Variants in ST3GAL2 observed in about 807,000 individuals in gnomAD.
ST3GAL2 encodes CMP-N-acetylneuraminate-beta-galactosamide-alpha-2,3-sialyltransferase 2.
In ST3GAL2, 16 loss-of-function variants were observed where a neutral mutation model predicts 37.5. The observed-to-expected ratio is 0.43, with a 90% CI of 0.29 to 0.65. ST3GAL2 has a LOEUF of 0.65. Among genes scored for constraint, ST3GAL2 ranks in the 30% least tolerant of loss-of-function variants. The pLI is 0.17. For synonymous variants in ST3GAL2, 238 were observed against 202.9 expected, an observed-to-expected ratio of 1.17 and a Z score of -1.47; for missense variants, 383 against 487.8, an observed-to-expected ratio of 0.79 and a Z score of 2.02.
chr16:70,399,698 A>G (rs2151664500), intron 1 of ST3GAL2, 165 bp from the exon 2 acceptor site: 1 of 357,310 alleles, frequency 2.8e-6, no homozygotes, highest in African/African-American at 2.1e-5. Flanking sequence ...AGATAGCATC[A>G]CTGTGTGGGA....
chr16:70,383,007 G>A, intron 5 of ST3GAL2, 83 bp from the exon 6 acceptor site: 1 of 1,587,048 alleles, frequency 6.3e-7, no homozygotes, highest in South Asian at 1.1e-5. Context: ...ACTTGTCTAT[G>A]CCTGTCAGAG....
intron 1 of ST3GAL2, among the ~76,000 whole-genome samples, chr16:70,419,147 C>T (rs1303439327): frequency 6.6e-6 from 1 of 152,216 alleles, no homozygotes. Flanking sequence ...GCTGGCCACC[C>T]TGGAAAAGGC....
Position 70,395,089 on chromosome 16 carries a change from G to T in ST3GAL2, c.426C>A (p.Arg142=). ...GCCGGCACTGGTGGGGGTCCCGGAA[G>T]CGGTAGGGGTTCTCGCCAGGCACTA... ...FQIVPGENPY[R]FRDPHQCRRC... Residue 142 remains arginine (R), a synonymous_variant, in exon 3 of 7, where the codon CGC becomes CGA. Coordinates refer to ENST00000342907, the MANE Select transcript of ST3GAL2 (RefSeq NM_006927.4). 1 of 1,613,990 alleles carries T rather than the reference G, an allele frequency of 6.2e-7. No homozygotes were observed. The highest frequency in any genetic ancestry group is 8.5e-7 in the Non-Finnish European group (1 of 1,179,962).
chr16:70,398,658 G>A lies in ST3GAL2; in HGVS notation c.-128C>T, dbSNP rs2047534627. On this transcript the variant is annotated 5_prime_UTR_variant, in exon 2 of 7. Coordinates refer to ENST00000342907, the MANE Select transcript of ST3GAL2 (RefSeq NM_006927.4). ...GCATAGGGGCACGTGCTGCAGCAGG[G>A]GACAGTGGCAGGGGTCCCTTGCCAC... 4 of 894,292 alleles carry A rather than the reference G, an allele frequency of 4.5e-6. No homozygotes were observed. Among genetic ancestry groups the A allele is most frequent in the Non-Finnish European group, 6.7e-6 (4 of 600,016 alleles). The allele number at this position is 894,292 out of a possible 1,614,324, so 55.4% of individuals were successfully genotyped here. A position where few individuals can be genotyped will look rare whatever the true frequency, so the allele number is the denominator to read the frequency against.
chr16:70,385,698 CTTTTTTTT>C (rs1034830291), intron 4 of ST3GAL2, among the ~76,000 whole-genome samples: 1 of 92,212 alleles, frequency 1.1e-5, no homozygotes, highest in Non-Finnish European at 2.1e-5. Context: ...TTTTTTGGTT[CTTTTTTTT>C]TTTTTTTTTT....
chr16:70,415,382 C>T (rs898985542), intron 1 of ST3GAL2, among the ~76,000 whole-genome samples: 22 of 152,214 alleles, frequency 1.4e-4, no homozygotes, highest in Non-Finnish European at 2.9e-4. Context: ...GCCCTCCGGG[C>T]GGCACGGGGA....
chr16:70,385,812 G>A (rs1303397313), intron 4 of ST3GAL2, among the ~76,000 whole-genome samples: 4 of 141,230 alleles, frequency 2.8e-5, no homozygotes, highest in East Asian at 2.2e-4. Flanking sequence ...CAAGTGATCC[G>A]ATCCTCCCAC....
chr16:70,402,230 G>A (rs2047560755), intron 1 of ST3GAL2, among the ~76,000 whole-genome samples: 1 of 148,902 alleles, frequency 6.7e-6, no homozygotes, highest in South Asian at 2.1e-4. Context: ...ACCCAGGAGT[G>A]GGAGATCGTG....
At chr16:70,418,675 C>G (rs2047692229) in intron 1 of ST3GAL2, among the ~76,000 whole-genome samples, 2 of 152,188 alleles carry the variant, frequency 1.3e-5, no homozygotes, top group Admixed American at 1.3e-4. Flanking sequence ...CACTCCTCCC[C>G]AAGCCCTGGC....
At chr16:70,437,795 T>C (rs1236687138) in intron 1 of ST3GAL2, among the ~76,000 whole-genome samples, 1 of 152,106 alleles carries the variant, frequency 6.6e-6, no homozygotes, top group Non-Finnish European at 1.5e-5. Context: ...AAACCAGCGA[T>C]ACCTTCCACC....
chr16:70,383,131 G>A (rs1288096171), intron 5 of ST3GAL2, 59 bp downstream of exon 5: 5 of 1,603,542 alleles, frequency 3.1e-6, no homozygotes, highest in Non-Finnish European at 4.3e-6. Flanking sequence ...TACAGGACCA[G>A]GCACACAGGC....
chr16:70,437,887 G>A (rs1008639325), intron 1 of ST3GAL2, among the ~76,000 whole-genome samples: 1 of 151,826 alleles, frequency 6.6e-6, no homozygotes, highest in Non-Finnish European at 1.5e-5. Context: ...CGAGGCGGGA[G>A]TGTGTTACTG....
intron 3 of ST3GAL2, among the ~76,000 whole-genome samples, chr16:70,389,286 A>G (rs1016834527): frequency 7.1e-6 from 1 of 140,452 alleles, no homozygotes; most frequent in African/African-American, 2.6e-5. Context: ...TACTGTATAC[A>G]TTTTTATTTA....
intron 1 of ST3GAL2, among the ~76,000 whole-genome samples, chr16:70,431,504 AAAG>A (rs1193155197): frequency 1.3e-5 from 2 of 152,200 alleles, no homozygotes; most frequent in East Asian, 1.9e-4. Flanking sequence ...ATAGCATCAG[AAAG>A]AAGAAGCTGG....
chr16:70,418,926 C>G (rs558443449), intron 1 of ST3GAL2, among the ~76,000 whole-genome samples: 1 of 152,126 alleles, frequency 6.6e-6, no homozygotes, highest in East Asian at 1.9e-4. Context: ...GGAACAACCC[C>G]GAGCAAGGGC....
Position 70,381,848 on chromosome 16 carries a change from C to A in ST3GAL2, c.894G>T (p.Gly298=), listed in dbSNP as rs1260703241. 2 of 1,613,854 alleles carry A rather than the reference C, an allele frequency of 1.2e-6. No individual in the cohort carries two copies. Among genetic ancestry groups the A allele is most frequent in the South Asian group, 2.2e-5 (2 of 91,078 alleles). Residue 298 remains glycine, a synonymous_variant, in exon 7 of 7, where the codon GGG becomes GGT. Transcript: ENST00000342907. Reference sequence around the variant, plus strand: ...AGTTGCCCCGGCTGTCGGCCCCGAACCCGTACACGTTCACCTGCGGGGAAG... The same window carrying A: ...AGTTGCCCCGGCTGTCGGCCCCGAAACCGTACACGTTCACCTGCGGGGAAG... The part of the protein sequence containing the change: ...LHVCDEVNVY[G]FGADSRGNWH...
At chr16:70,426,226 C>CTCTG (rs1491454568) in intron 1 of ST3GAL2, among the ~76,000 whole-genome samples, 1 of 126,254 alleles carries the variant, frequency 7.9e-6, no homozygotes, top group Non-Finnish European at 1.6e-5. Flanking sequence ...CTGAATCTCA[C>CTCTG]TCTGTCGCCC....
chr16:70,381,326 C>G lies in ST3GAL2; in HGVS notation c.*363G>C, dbSNP rs1182768266. On this transcript the variant is annotated 3_prime_UTR_variant, in exon 7 of 7. Coordinates refer to ENST00000342907, the MANE Select transcript of ST3GAL2 (RefSeq NM_006927.4). ...CCGCCCGAGGCTGACGGAAGTGCTT[C>G]GCCGAGGCCCGCGCCATGCTCTCCT... The G allele has an allele frequency of 3.5e-5, 7 of 199,652 alleles. No individual in the cohort carries two copies. Among genetic ancestry groups the G allele is most frequent in the Non-Finnish European group, 7.2e-5 (7 of 96,698 alleles). The allele number at this position is 199,652 out of a possible 1,614,324, so 12.4% of individuals were successfully genotyped here.
intron 6 of ST3GAL2, 41 bp downstream of exon 6, chr16:70,382,764 G>C (rs2047415144): frequency 1.2e-6 from 2 of 1,613,130 alleles, no homozygotes; most frequent in East Asian, 4.5e-5. Flanking sequence ...GCACTCCTCT[G>C]TTCCATGGGT....
Sources: gnomAD v4.1 joint callset for allele counts (sites outside exome capture counted in the v4.1 genomes callset) on GRCh38, gnomAD v4.1.1 for gene constraint, MANE v1.5 for transcripts, NCBI Gene and HGNC (gene_info 2026-07-23, HGNC 2026-07-21) for gene names.